Variants in DNAH12 observed in about 807,000 individuals in gnomAD.
The protein encoded by DNAH12 is axonemal beta dynein heavy chain 12.
In DNAH12, 285 loss-of-function variants were observed where a neutral mutation model predicts 371.5. That is an observed-to-expected ratio of 0.77 (90% CI 0.70 to 0.85). The LOEUF (loss-of-function observed/expected upper bound fraction) is 0.85. DNAH12 is among the 40% of genes least tolerant of loss of function. The pLI is 0.00. For missense variants in DNAH12, 3,611 were observed against 3,689.4 expected (o/e 0.98, Z 0.55); for synonymous variants, 1,200 against 1,213.0 (o/e 0.99, Z 0.22).
chr3:57,482,586 G>A (rs2153383630), intron 13 of DNAH12, among the ~76,000 whole-genome samples: 2 of 152,144 alleles, frequency 1.3e-5, no homozygotes, highest in Middle Eastern at 6.8e-3. Flanking sequence ...ATACCCAAAG[G>A]ATTATAAATC....
intron 60 of DNAH12, among the ~76,000 whole-genome samples, chr3:57,345,640 T>C (rs1316456826): frequency 6.6e-6 from 1 of 152,206 alleles, no homozygotes; most frequent in Non-Finnish European, 1.5e-5. Flanking sequence ...ATTACAGTAG[T>C]ACAGTGTGTG....
chr3:57,444,648 T>G, intron 29 of DNAH12, 49 bp downstream of exon 29: 1 of 1,539,604 alleles, frequency 6.5e-7, no homozygotes, highest in South Asian at 1.2e-5. Context: ...AATTGAGTCA[T>G]CGGATGAATT....
Position 57,405,961 on chromosome 3 carries a change from G to T in DNAH12, c.6277-9C>A. 2 of 1,526,606 alleles carry T rather than the reference G, an allele frequency of 1.3e-6. No homozygotes were observed. The highest frequency in any genetic ancestry group is 1.8e-6 in the Non-Finnish European group (2 of 1,131,162). The allele number at this position is 1,526,606 out of a possible 1,614,324, so 94.6% of individuals were successfully genotyped here. A position where few individuals can be genotyped will look rare whatever the true frequency, so the allele number is the denominator to read the frequency against. On this transcript the variant is annotated splice_polypyrimidine_tract_variant and intron_variant, in intron 40 of 73. Transcript: ENST00000495027. ...ACAGATTGTTTATATATCTGAATATGAAAAAAGCAACAAAGCAAAAATAAA... is the reference window on the plus strand; with the variant it reads ...ACAGATTGTTTATATATCTGAATATTAAAAAAGCAACAAAGCAAAAATAAA...
chr3:57,301,658 C>T lies in DNAH12; in HGVS notation c.11394+77G>A, dbSNP rs116071948. On this transcript the variant is annotated intron_variant, in intron 70 of 73. Coordinates refer to ENST00000495027, the MANE Select transcript of DNAH12 (RefSeq NM_001366028.2). ...ATTTTACATGTGTCTGTATATTTTA[C>T]ATATTTATACATGTATTTTACACAC... 888 of 1,475,436 alleles carry T rather than the reference C, an allele frequency of 6.0e-4. 9 individuals are homozygous for T. The African/African-American group carries it at 0.011, about 18-fold the overall frequency. 91.4% of individuals were successfully genotyped at this position (1,475,436 alleles called of 1,614,324 possible).
intron 23 of DNAH12, 85 bp downstream of exon 23, chr3:57,454,690 C>G (rs1397894002): frequency 8.0e-6 from 12 of 1,501,088 alleles, no homozygotes; most frequent in Non-Finnish European, 1.1e-5. Context: ...GGTAGCATAG[C>G]AAGATCTCAT....
At chr3:57,360,062 C>G (rs2062889936) in intron 58 of DNAH12, among the ~76,000 whole-genome samples, 2 of 152,172 alleles carry the variant, frequency 1.3e-5, no homozygotes, top group Non-Finnish European at 2.9e-5. Context: ...ATCTTCCTTT[C>G]TCTTCGAGTC....
At chr3:57,445,572 AT>A (rs2065459997) in intron 27 of DNAH12, among the ~76,000 whole-genome samples, 153 bp from the exon 28 acceptor site, 2 of 152,044 alleles carry the variant, frequency 1.3e-5, no homozygotes, top group African/African-American at 4.8e-5. Flanking sequence ...TACTTTTAAT[AT>A]TTTTATGCAG....
chr3:57,442,277 A>G (rs551437614), intron 29 of DNAH12, among the ~76,000 whole-genome samples: 12 of 118,354 alleles, frequency 1.0e-4, no homozygotes, highest in African/African-American at 2.6e-4. Context: ...GGGTAGCGTA[A>G]GAGGCTTTTT....
intron 65 of DNAH12, among the ~76,000 whole-genome samples, chr3:57,315,315 A>C (rs2061662989): frequency 6.6e-6 from 1 of 151,718 alleles, no homozygotes; most frequent in African/African-American, 2.4e-5. Flanking sequence ...ATAATGCAGT[A>C]GTAGACATTA....
chr3:57,502,552 T>TTTC (rs10662782), intron 9 of DNAH12, 73 bp from the exon 10 acceptor site: 946,907 of 1,413,496 alleles, frequency 0.67, 317,210 homozygotes, highest in South Asian at 0.76. Flanking sequence ...ATGTAGATCT[T>TTTC]TTTTTTTTTC....
intron 25 of DNAH12, among the ~76,000 whole-genome samples, chr3:57,448,521 G>A (rs1378202260): frequency 1.5e-5 from 2 of 135,154 alleles, no homozygotes; most frequent in African/African-American, 2.5e-5. Context: ...CGCAGTGAGT[G>A]TGACAGCTCA....
chr3:57,299,322 T>C (rs2061298765), intron 70 of DNAH12, among the ~76,000 whole-genome samples: 1 of 152,222 alleles, frequency 6.6e-6, no homozygotes, highest in African/African-American at 2.4e-5. Flanking sequence ...GCTAAACATT[T>C]CATATGCATT....
chr3:57,517,103 A>G (rs2068228890), intron 4 of DNAH12, among the ~76,000 whole-genome samples: 1 of 151,984 alleles, frequency 6.6e-6, no homozygotes. Context: ...GCTCCTTTCT[A>G]CCATTCAGGT....
intron 2 of DNAH12, among the ~76,000 whole-genome samples, chr3:57,534,990 C>CATTTATATGCAT (rs1231799560): frequency 6.6e-6 from 1 of 152,056 alleles, no homozygotes; most frequent in Non-Finnish European, 1.5e-5. Flanking sequence ...TAGGCATAGG[C>CATTTATATGCAT]TTAAGATCTT....
At chr3:57,470,973 C>T (rs2066348736) in intron 15 of DNAH12, among the ~76,000 whole-genome samples, 1 of 152,162 alleles carries the variant, frequency 6.6e-6, no homozygotes, top group Non-Finnish European at 1.5e-5. Flanking sequence ...TCCCAAAGTG[C>T]TAGGATTACA....
chr3:57,385,458 G>T (rs1403001515), intron 47 of DNAH12, 29 bp from the exon 48 acceptor site: 1 of 152,166 alleles, frequency 6.6e-6, no homozygotes, highest in African/African-American at 2.4e-5. Context: ...ATATGATTAA[G>T]TTTCCATTGC....
chr3:57,331,690 A>G (rs1465816385), intron 62 of DNAH12, among the ~76,000 whole-genome samples: 1 of 152,204 alleles, frequency 6.6e-6, no homozygotes, highest in Admixed American at 6.5e-5. Context: ...CAAAACCTTC[A>G]TATTTTTCAT....
At chr3:57,515,812 A>T (rs2068171382) in intron 4 of DNAH12, among the ~76,000 whole-genome samples, 1 of 152,006 alleles carries the variant, frequency 6.6e-6, no homozygotes, top group Non-Finnish European at 1.5e-5. Context: ...TCATTGTTAC[A>T]GGCAAAGATG....
chr3:57,443,573 T>C (rs965791359), intron 29 of DNAH12, among the ~76,000 whole-genome samples: 6 of 152,178 alleles, frequency 3.9e-5, no homozygotes, highest in African/African-American at 1.4e-4. Context: ...AATTGACAAA[T>C]ATTTTTATAT....
Sources: allele counts gnomAD v4.1 joint callset (sites outside exome capture counted in the v4.1 genomes callset), GRCh38; gene constraint gnomAD v4.1.1; transcripts MANE v1.5; gene names NCBI Gene and HGNC (gene_info 2026-07-23, HGNC 2026-07-21).